The following MARCHF5 variants were observed in gnomAD, a reference collection of about 807,000 sequenced individuals.
The protein encoded by MARCHF5 is E3 ubiquitin-protein ligase MARCHF5.
Under a neutral mutation model 36.5 loss-of-function variants are expected in MARCHF5, and 5 were observed. The observed-to-expected ratio is 0.14, with a 90% CI of 0.07 to 0.29. The LOEUF (loss-of-function observed/expected upper bound fraction) is 0.29. Among genes scored for constraint, MARCHF5 ranks in the 10% least tolerant of loss-of-function variants. MARCHF5 has a pLI of 1.00. For missense variants in MARCHF5, 179 were observed against 336.3 expected (o/e 0.53, Z 3.66); for synonymous variants, 103 against 109.9 (o/e 0.94, Z 0.39).
intron 1 of MARCHF5, among the ~76,000 whole-genome samples, chr10:92,302,233 G>C (rs541417464): frequency 1.6e-4 from 25 of 152,186 alleles, no homozygotes; most frequent in African/African-American, 6.0e-4. Flanking sequence ...CAGTTGGAGG[G>C]CTGACTGTAT....
At chr10:92,302,455 T>C (rs1843027078) in intron 1 of MARCHF5, among the ~76,000 whole-genome samples, 2 of 151,458 alleles carry the variant, frequency 1.3e-5, no homozygotes, top group South Asian at 4.2e-4. Flanking sequence ...TTTCTTTTTT[T>C]TTTTTTGAGA....
chr10:92,336,170 G>A (rs1843499974), intron 2 of MARCHF5, among the ~76,000 whole-genome samples: 1 of 152,118 alleles, frequency 6.6e-6, no homozygotes, highest in South Asian at 2.1e-4. Context: ...TGAGTAGCTG[G>A]GATTACAAGC....
intron 2 of MARCHF5, among the ~76,000 whole-genome samples, chr10:92,316,993 A>C (rs1843218321): frequency 6.6e-6 from 1 of 152,182 alleles, no homozygotes; most frequent in South Asian, 2.1e-4. Flanking sequence ...CTGTCCATAA[A>C]CTTTGAGACC....
intron 1 of MARCHF5, among the ~76,000 whole-genome samples, chr10:92,298,860 A>G (rs2135175994): frequency 6.6e-6 from 1 of 152,252 alleles, no homozygotes; most frequent in Non-Finnish European, 1.5e-5. Context: ...TAGCCAAAAC[A>G]TAAGTTTTTC....
At chr10:92,332,581 C>T (rs1024155343) in intron 2 of MARCHF5, among the ~76,000 whole-genome samples, 1 of 130,228 alleles carries the variant, frequency 7.7e-6, no homozygotes, top group Non-Finnish European at 1.5e-5. Flanking sequence ...AGTGCAATGG[C>T]GCAATCTTGG....
At chr10:92,347,660 C>T (rs1843665257) in intron 3 of MARCHF5, among the ~76,000 whole-genome samples, 1 of 152,116 alleles carries the variant, frequency 6.6e-6, no homozygotes, top group Admixed American at 6.6e-5. Context: ...TAAACCAGAC[C>T]ATTTCACTTT....
At chr10:92,319,626 A>T (rs1427676915) in intron 2 of MARCHF5, among the ~76,000 whole-genome samples, 3 of 144,276 alleles carry the variant, frequency 2.1e-5, no homozygotes, top group Admixed American at 7.1e-5. Flanking sequence ...CTTTTAAAAA[A>T]TTTTGTGTGT....
chr10:92,313,859 C>T (rs1326486898), intron 2 of MARCHF5, among the ~76,000 whole-genome samples: 1 of 152,120 alleles, frequency 6.6e-6, no homozygotes, highest in East Asian at 1.9e-4. Flanking sequence ...CGCCACTGTA[C>T]TCCAGCTTGG....
chr10:92,328,821 A>ATATATAT (rs372130854), intron 2 of MARCHF5, among the ~76,000 whole-genome samples: 1 of 122,444 alleles, frequency 8.2e-6, no homozygotes, highest in African/African-American at 3.2e-5. Flanking sequence ...ATATATATAT[A>ATATATAT]TTTTTTTTTT....
At chr10:92,295,088 A>C (rs1455273101) in intron 1 of MARCHF5, among the ~76,000 whole-genome samples, 2 of 152,154 alleles carry the variant, frequency 1.3e-5, no homozygotes, top group African/African-American at 4.8e-5. Flanking sequence ...CACTTATTGA[A>C]TTTATTTAAC....
chr10:92,292,739 A>G (rs1358624313), intron 1 of MARCHF5, among the ~76,000 whole-genome samples: 3 of 152,258 alleles, frequency 2.0e-5, no homozygotes, highest in South Asian at 2.1e-4. Context: ...CTTTATATAT[A>G]TATGTGTGTG....
At chr10:92,322,544 A>T (rs1441304905) in intron 2 of MARCHF5, among the ~76,000 whole-genome samples, 1 of 146,194 alleles carries the variant, frequency 6.8e-6, no homozygotes, top group Non-Finnish European at 1.5e-5. Context: ...GGCTCAAGTG[A>T]TCCTCCCACC....
chr10:92,322,753 T>G (rs1843306142), intron 2 of MARCHF5, among the ~76,000 whole-genome samples: 1 of 151,422 alleles, frequency 6.6e-6, no homozygotes, highest in African/African-American at 2.4e-5. Context: ...CTTTCTTTGT[T>G]TTTGAGATGG....
chr10:92,330,170 T>A (rs1477598068), intron 2 of MARCHF5, among the ~76,000 whole-genome samples: 1 of 152,190 alleles, frequency 6.6e-6, no homozygotes, highest in Non-Finnish European at 1.5e-5. Flanking sequence ...TAGCCCTCAT[T>A]GGTTACCTTC....
chr10:92,320,827 A>G (rs572570519), intron 2 of MARCHF5, among the ~76,000 whole-genome samples: 1 of 152,196 alleles, frequency 6.6e-6, no homozygotes, highest in African/African-American at 2.4e-5. Flanking sequence ...ATAAGTGTAC[A>G]ATGTGTATAA....
At chr10:92,311,049 C>G in intron 1 of MARCHF5, 86 bp from the exon 2 acceptor site, 1 of 924,778 alleles carries the variant, frequency 1.1e-6, no homozygotes, top group Non-Finnish European at 1.7e-6. Context: ...ACATAGCAGG[C>G]TCATCCCATT....
chr10:92,295,780 A>G (rs1842943413), intron 1 of MARCHF5, among the ~76,000 whole-genome samples: 1 of 151,700 alleles, frequency 6.6e-6, no homozygotes, highest in South Asian at 2.1e-4. Context: ...TTTAGCTATT[A>G]TTTGTTTATA....
chr10:92,309,667 T>A (rs1843122205), intron 1 of MARCHF5, among the ~76,000 whole-genome samples: 1 of 152,036 alleles, frequency 6.6e-6, no homozygotes, highest in Admixed American at 6.6e-5. Context: ...CTAGTATACT[T>A]ACCAATTGAA....
At chr10:92,342,969 T>C (rs778719221) in intron 3 of MARCHF5, among the ~76,000 whole-genome samples, 44 of 152,184 alleles carry the variant, frequency 2.9e-4, no homozygotes, top group African/African-American at 8.4e-4. Context: ...GACTTCCTTA[T>C]AAAATGATGA....
Sources: gnomAD v4.1 joint callset for allele counts (sites outside exome capture counted in the v4.1 genomes callset) on GRCh38, gnomAD v4.1.1 for gene constraint, MANE v1.5 for transcripts, NCBI Gene and HGNC (gene_info 2026-07-23, HGNC 2026-07-21) for gene names.